The following BAZ1A variants were observed in gnomAD, a reference collection of about 807,000 sequenced individuals.
BAZ1A encodes the protein bromodomain adjacent to zinc finger domain protein 1A.
BAZ1A carries 50 observed loss-of-function variants against 185.2 expected under a neutral mutation model. That is an observed-to-expected ratio of 0.27 (90% CI 0.22 to 0.34). The LOEUF is 0.34. BAZ1A is among the 10% of genes least tolerant of loss of function. BAZ1A has a pLI of 1.00. For missense variants in BAZ1A, 1,356 were observed against 1,839.9 expected (o/e 0.74, Z 4.81); for synonymous variants, 571 against 615.6 (o/e 0.93, Z 1.07).
At chr14:34,808,929 C>CA (rs2041889718) in intron 5 of BAZ1A, among the ~76,000 whole-genome samples, 1 of 152,074 alleles carries the variant, frequency 6.6e-6, no homozygotes, top group African/African-American at 2.4e-5. Flanking sequence ...GTGGCCTTCC[C>CA]AAAAATGTAT....
intron 24 of BAZ1A, 121 bp from the exon 25 acceptor site, chr14:34,758,967 G>C: frequency 1.1e-6 from 1 of 919,582 alleles, no homozygotes; most frequent in Non-Finnish European, 1.6e-6. Context: ...ACACTGAGAT[G>C]TTAACTATTT....
chr14:34,855,395 C>G (rs149721635), intron 3 of BAZ1A, among the ~76,000 whole-genome samples: 1,696 of 152,194 alleles, frequency 0.011, 34 homozygotes, highest in African/African-American at 0.038. Flanking sequence ...TTTTTCTGTT[C>G]ATAAATCCTC....
In BAZ1A at chr14:34,767,987, T is replaced by C. The variant is rs112071870; in HGVS notation, c.3302-2719A>G. 9.3e-3 allele frequency among the ~76,000 whole-genome samples: 1,422 copies of C among 152,282 alleles called. 31 individuals are homozygous for C. Among genetic ancestry groups the C allele is most frequent in the African/African-American group, 0.033 (1,370 of 41,558 alleles). ...TTCTAGTCCATAATGAATGTGCCTA[T>C]TTTTCTATTTTTGCATAGTACTGAT... On this transcript the variant is annotated intron_variant, in intron 21 of 26. Coordinates refer to ENST00000360310, the MANE Select transcript of BAZ1A (RefSeq NM_013448.3).
chr14:34,761,936 C>A lies in BAZ1A; in HGVS notation c.4064G>T (p.Arg1355Leu). ...ACTTTTCCTGCCTCTGCGTTTTCTACGAGGACTAAGCAATTCCACAAATAC... is the reference window on the plus strand; with the variant it reads ...ACTTTTCCTGCCTCTGCGTTTTCTAAGAGGACTAAGCAATTCCACAAATAC... Reference protein sequence around the residue: ...ADVFVELLSPRRKRRGRKSAN... With the variant: ...ADVFVELLSPLRKRRGRKSAN... The change falls in exon 24 of 27, where the codon CGT becomes CTT. Residue 1355 changes from arginine to leucine, a missense_variant. By Grantham distance (102) the Arg-to-Leu change is moderately radical. Transcript: ENST00000360310. The A allele has an allele frequency of 1.2e-6, 2 of 1,614,208 alleles. 1 individual carries two copies. The highest frequency in any genetic ancestry group is 2.2e-5 in the South Asian group (2 of 91,084).
At chr14:34,793,761 GGTGAAACCCT>G (rs1410634469) in intron 11 of BAZ1A, among the ~76,000 whole-genome samples, 2 of 152,176 alleles carry the variant, frequency 1.3e-5, no homozygotes, top group Non-Finnish European at 2.9e-5. Context: ...TGGCCAAAAT[GGTGAAACCCT>G]GTCTCCACTA....
At chr14:34,843,837 C>A (rs1370798432) in intron 3 of BAZ1A, among the ~76,000 whole-genome samples, 1 of 152,124 alleles carries the variant, frequency 6.6e-6, no homozygotes, top group Non-Finnish European at 1.5e-5. Flanking sequence ...CTTATTTAAC[C>A]CTTTCCTTTG....
intron 3 of BAZ1A, among the ~76,000 whole-genome samples, chr14:34,836,409 A>C (rs1232997072): frequency 1.5e-5 from 2 of 135,670 alleles, no homozygotes; most frequent in East Asian, 2.0e-4. Flanking sequence ...AAAAAAAAAA[A>C]AAAAAAAAAA....
At chr14:34,757,279 C>A (rs1886292841) in intron 25 of BAZ1A, among the ~76,000 whole-genome samples, 1 of 149,118 alleles carries the variant, frequency 6.7e-6, no homozygotes, top group Non-Finnish European at 1.5e-5. Context: ...GCAGGAGAAT[C>A]ACTTGAACCC....
chr14:34,839,067 AG>A (rs2042372333), intron 3 of BAZ1A, among the ~76,000 whole-genome samples: 1 of 152,226 alleles, frequency 6.6e-6, no homozygotes, highest in African/African-American at 2.4e-5. Flanking sequence ...GTCCAGAAAT[AG>A]GCTATAATTC....
In BAZ1A at chr14:34,770,341, C is replaced by T. The variant is rs149867028; in HGVS notation, c.3301+1170G>A. Among the ~76,000 whole-genome samples the T allele has an allele frequency of 3.0e-3, 461 of 152,086 alleles. 1 individual carries two copies. Among genetic ancestry groups the T allele is most frequent in the Admixed American group, 8.3e-3 (127 of 15,250 alleles). Reference sequence around the variant, plus strand: ...CCTAATTTTGTATTTTTAGTAGAGACGGGGTTTCACCATGTTGGTCAGGCT... The same window carrying T: ...CCTAATTTTGTATTTTTAGTAGAGATGGGGTTTCACCATGTTGGTCAGGCT... On this transcript the variant is annotated intron_variant, in intron 21 of 26. Transcript: ENST00000360310.
Position 34,842,762 on chromosome 14 carries a change from T to C in BAZ1A, c.393-16606A>G, listed in dbSNP as rs1038938572. On this transcript the variant is annotated intron_variant, in intron 3 of 26. Coordinates refer to ENST00000360310, the MANE Select transcript of BAZ1A (RefSeq NM_013448.3). ...CAGAACAGGGCTCTGGTTCTGATAC[T>C]GCCTGTGCTTGAAAACATCATCACT... Among the ~76,000 whole-genome samples the C allele has an allele frequency of 3.3e-5, 5 of 152,196 alleles. No homozygotes were observed. The East Asian group carries it at 7.7e-4, about 23-fold the overall frequency.
chr14:34,764,640 A>G, intron 23 of BAZ1A, 67 bp downstream of exon 23: 1 of 1,537,852 alleles, frequency 6.5e-7, no homozygotes, highest in East Asian at 2.4e-5. Flanking sequence ...TTCCATTTGT[A>G]TTTGAATAGT....
chr14:34,758,339 T>TG (rs1886360195), intron 25 of BAZ1A, among the ~76,000 whole-genome samples: 1 of 148,548 alleles, frequency 6.7e-6, no homozygotes, highest in South Asian at 2.2e-4. Flanking sequence ...CCCACCACTT[T>TG]GGGGGGCCGA....
intron 3 of BAZ1A, among the ~76,000 whole-genome samples, chr14:34,843,884 C>G (rs1339639181): frequency 1.3e-5 from 2 of 152,124 alleles, no homozygotes; most frequent in East Asian, 3.9e-4. Context: ...ATGGCCAAAT[C>G]CAGCTCATCA....
At chr14:34,771,689 T>C (rs1257106443) in intron 20 of BAZ1A, 30 bp from the exon 21 acceptor site, 4 of 1,601,594 alleles carry the variant, frequency 2.5e-6, no homozygotes, top group Non-Finnish European at 3.4e-6. Context: ...GAGTTTATGG[T>C]ACTTAAAAAC....
chr14:34,839,997 A>G (rs897816520), intron 3 of BAZ1A, among the ~76,000 whole-genome samples: 1 of 152,152 alleles, frequency 6.6e-6, no homozygotes, highest in African/African-American at 2.4e-5. Flanking sequence ...TTTTAAAATA[A>G]GAGTGAAAGT....
chr14:34,865,788 A>G (rs769690145), intron 2 of BAZ1A, among the ~76,000 whole-genome samples: 29 of 152,230 alleles, frequency 1.9e-4, no homozygotes, highest in Non-Finnish European at 2.8e-4. Flanking sequence ...ATAAGCTAGA[A>G]GGCAGATATC....
chr14:34,874,796 G>A lies in BAZ1A; in HGVS notation c.-58-134C>T. ...GCGCCGCGGCCGCTACCGGAGCCGA[G>A]TTCGTTCCTGCCGCTGCCCGGGTGT... is the stretch of plus-strand genomic sequence containing the variant. On this transcript the variant is annotated intron_variant, in intron 1 of 26. Coordinates refer to ENST00000360310, the MANE Select transcript of BAZ1A (RefSeq NM_013448.3). This position sits in a 1 kb window ranked among gnomAD's most constrained non-coding sequence, Gnocchi z 4.7. 2.0e-6 allele frequency: 1 copy of A among 507,528 alleles called. No homozygotes were observed. The highest frequency in any genetic ancestry group is 3.7e-5 in the East Asian group (1 of 27,238). The allele number at this position is 507,528 out of a possible 1,614,324, so 31.4% of individuals were successfully genotyped here.
chr14:34,783,994 A>C (rs1238189211), intron 14 of BAZ1A, 67 bp from the exon 15 acceptor site: 4 of 1,382,286 alleles, frequency 2.9e-6, no homozygotes, highest in Non-Finnish European at 2.9e-6. Flanking sequence ...TGAACTTTTT[A>C]AATTTGTGGC....
Sources: allele counts gnomAD v4.1 joint callset (sites outside exome capture counted in the v4.1 genomes callset), GRCh38; gene constraint gnomAD v4.1.1; non-coding constraint Gnocchi (gnomAD v3.1); transcripts MANE v1.5; gene names NCBI Gene and HGNC (gene_info 2026-07-23, HGNC 2026-07-21).